Variants in PTPN13 observed in about 807,000 individuals in gnomAD.
PTPN13 encodes tyrosine-protein phosphatase non-receptor type 13.
In PTPN13, 191 loss-of-function variants were observed where a neutral mutation model predicts 284.0. That is an observed-to-expected ratio of 0.67 (90% CI 0.60 to 0.76). PTPN13 has a LOEUF of 0.76. Among genes scored for constraint, PTPN13 ranks in the 30% least tolerant of loss-of-function variants. The probability of loss-of-function intolerance (pLI) is 0.00; values close to 1 mark genes in which losing one functional copy is unlikely to be tolerated. For synonymous variants in PTPN13, 986 were observed against 1,022.3 expected, an observed-to-expected ratio of 0.96 and a Z score of 0.68; for missense variants, 2,797 against 2,939.9, an observed-to-expected ratio of 0.95 and a Z score of 1.12.
At chr4:86,766,193 C>T (rs1739292616) in intron 26 of PTPN13, among the ~76,000 whole-genome samples, 1 of 152,088 alleles carries the variant, frequency 6.6e-6, no homozygotes, top group African/African-American at 2.4e-5. Flanking sequence ...ATTTATAGTT[C>T]AACTTATCTT....
Position 86,782,135 on chromosome 4 carries a change from T to C in PTPN13, c.5963-66T>C, listed in dbSNP as rs561634290. On this transcript the variant is annotated intron_variant, in intron 36 of 47. Coordinates refer to ENST00000411767, the MANE Select transcript of PTPN13 (RefSeq NM_080683.3). The stretch of plus-strand genomic sequence containing the variant: ...TCCCAGAAATGTGAGTTTTCTTTAA[T>C]TATTTTGATGTCCCTCTTGTGGTTT... The C allele has an allele frequency of 3.6e-6, 4 of 1,103,964 alleles. No homozygotes were observed. The Admixed American group carries it at 8.2e-5, about 23-fold the overall frequency. 68.4% of individuals were successfully genotyped at this position (1,103,964 alleles called of 1,614,324 possible).
intron 40 of PTPN13, among the ~76,000 whole-genome samples, chr4:86,792,930 G>A (rs1209223150): frequency 6.6e-6 from 1 of 152,174 alleles, no homozygotes; most frequent in African/African-American, 2.4e-5. Context: ...GACTATCGAT[G>A]CTGTGAAGAA....
intron 6 of PTPN13, among the ~76,000 whole-genome samples, chr4:86,696,653 T>C (rs1370807601): frequency 1.3e-5 from 2 of 152,032 alleles, no homozygotes; most frequent in Non-Finnish European, 2.9e-5. Context: ...TTGACTGTCA[T>C]GACTTTACAA....
intron 7 of PTPN13, among the ~76,000 whole-genome samples, chr4:86,704,818 A>G (rs1275111918): frequency 2.0e-5 from 3 of 152,218 alleles, no homozygotes; most frequent in African/African-American, 7.2e-5. Context: ...CCAGTTAAAC[A>G]AACACCTAAA....
intron 7 of PTPN13, among the ~76,000 whole-genome samples, chr4:86,712,642 T>A (rs1365452879): frequency 6.6e-6 from 1 of 152,078 alleles, no homozygotes; most frequent in Non-Finnish European, 1.5e-5. Context: ...AAGCAAGTTA[T>A]CCCATTTGTG....
At chr4:86,800,362 T>G (rs1241344351) in intron 42 of PTPN13, among the ~76,000 whole-genome samples, 1 of 151,732 alleles carries the variant, frequency 6.6e-6, no homozygotes, top group Non-Finnish European at 1.5e-5. Flanking sequence ...TTTTAAGAAA[T>G]TAACAGCTTA....
At chr4:86,692,699 A>G (rs1461632814) in intron 5 of PTPN13, among the ~76,000 whole-genome samples, 1 of 152,180 alleles carries the variant, frequency 6.6e-6, no homozygotes, top group Non-Finnish European at 1.5e-5. Flanking sequence ...TAAAGCTATT[A>G]AACTTTAAGA....
At chr4:86,637,043 A>G (rs1014289940) in intron 2 of PTPN13, among the ~76,000 whole-genome samples, 15 of 152,228 alleles carry the variant, frequency 9.9e-5, no homozygotes, top group Admixed American at 4.6e-4. Flanking sequence ...AGAGAATACT[A>G]CAAATACCTC....
intron 1 of PTPN13, among the ~76,000 whole-genome samples, chr4:86,622,454 T>C (rs1347573570): frequency 6.6e-6 from 1 of 152,200 alleles, no homozygotes; most frequent in East Asian, 1.9e-4. Context: ...CTATTTGCTG[T>C]GAATTTACTT....
At chr4:86,706,433 T>C (rs193018374) in intron 7 of PTPN13, among the ~76,000 whole-genome samples, 9 of 152,314 alleles carry the variant, frequency 5.9e-5, no homozygotes, top group African/African-American at 2.2e-4. Flanking sequence ...TGAAACAAGA[T>C]AGTATTAGGA....
chr4:86,751,843 G>A (rs538473082), intron 19 of PTPN13, among the ~76,000 whole-genome samples: 1 of 151,708 alleles, frequency 6.6e-6, no homozygotes, highest in East Asian at 1.9e-4. Context: ...ATGGTTGATA[G>A]GTAGAAGTTT....
chr4:86,780,581 C>T (rs2149304963), intron 36 of PTPN13, 109 bp downstream of exon 36: 1 of 750,354 alleles, frequency 1.3e-6, no homozygotes, highest in Non-Finnish European at 2.3e-6. Context: ...TAACTTACAC[C>T]TAAAATATAA....
At chr4:86,709,688 A>G (rs1254141956) in intron 7 of PTPN13, among the ~76,000 whole-genome samples, 1 of 152,212 alleles carries the variant, frequency 6.6e-6, no homozygotes, top group Admixed American at 6.5e-5. Flanking sequence ...TTTGAAAAAG[A>G]CAGTGAAGTC....
intron 35 of PTPN13, among the ~76,000 whole-genome samples, chr4:86,778,858 GTGTT>G (rs1204983107): frequency 1.3e-5 from 2 of 151,356 alleles, no homozygotes; most frequent in Admixed American, 6.6e-5. Flanking sequence ...CCTTGCTCTT[GTGTT>G]TCCCTTAGAG....
At chr4:86,776,426 C>T (rs1021014875) in intron 35 of PTPN13, among the ~76,000 whole-genome samples, 2 of 152,210 alleles carry the variant, frequency 1.3e-5, no homozygotes, top group South Asian at 2.1e-4. Context: ...CACATCACAT[C>T]ACCTAGAGCA....
At chr4:86,692,993 C>T (rs1205752989) in intron 5 of PTPN13, among the ~76,000 whole-genome samples, 1 of 148,680 alleles carries the variant, frequency 6.7e-6, no homozygotes. Flanking sequence ...GCATGAGAAT[C>T]GCTTGAACCT....
intron 10 of PTPN13, 130 bp from the exon 11 acceptor site, chr4:86,732,270 G>T (rs1735026505): frequency 5.4e-6 from 4 of 736,764 alleles, no homozygotes; most frequent in Non-Finnish European, 6.4e-6. Flanking sequence ...GTTTGTTTTA[G>T]ATCACCTAGT....
Position 86,732,570 on chromosome 4 carries a change from C to A in PTPN13, c.1684-22C>A, listed in dbSNP as rs200105744. 1.1e-5 allele frequency: 17 copies of A among 1,599,804 alleles called. No homozygotes were observed. The African/African-American group carries it at 1.2e-4, about 11-fold the overall frequency. On this transcript the variant is annotated intron_variant, in intron 11 of 47. Coordinates refer to ENST00000411767, the MANE Select transcript of PTPN13 (RefSeq NM_080683.3). Reference sequence around the variant, plus strand: ...CTTATAATGCTTATTTTAATAAATGCCGTTTATTTTTTCAATTGTAGACTA... The same window carrying A: ...CTTATAATGCTTATTTTAATAAATGACGTTTATTTTTTCAATTGTAGACTA...
chr4:86,603,769 G>T (rs1249590793), intron 1 of PTPN13, among the ~76,000 whole-genome samples: 1 of 151,894 alleles, frequency 6.6e-6, no homozygotes, highest in Non-Finnish European at 1.5e-5. Flanking sequence ...GATTTATTCA[G>T]CATGAACTCA....
Sources: allele counts gnomAD v4.1 joint callset (sites outside exome capture counted in the v4.1 genomes callset), GRCh38; gene constraint gnomAD v4.1.1; transcripts MANE v1.5; gene names NCBI Gene and HGNC (gene_info 2026-07-23, HGNC 2026-07-21).